The following RPGR variants were observed in gnomAD, a reference collection of about 807,000 sequenced individuals.
RPGR encodes X-linked retinitis pigmentosa GTPase regulator.
Under a neutral mutation model 56.3 loss-of-function variants are expected in RPGR, and 10 were observed. The observed-to-expected ratio is 0.18, with a 90% confidence interval of 0.11 to 0.30. RPGR has a LOEUF of 0.30. RPGR is among the 10% of genes least tolerant of loss of function. RPGR has a pLI of 1.00. For synonymous variants in RPGR, 197 were observed against 212.9 expected (o/e 0.93, Z 0.65); for missense variants, 538 against 590.9 (o/e 0.91, Z 0.93).
At chrX:38,279,017 T>C (rs2066983530) in intron 15 of RPGR, 3 of 249,980 alleles carry the variant, frequency 1.2e-5, no homozygotes, top group Non-Finnish European at 2.2e-5. Flanking sequence ...ATGAAGAACT[T>C]TTGGAACTAT....
rs1331967024 is a variant in RPGR at position 38,308,521 on chromosome X, C to T, written c.778+2094G>A. ...ATGAATGGTTAAAGACACTATTATA[C>T]AATCAACATTTGTATCTGTTAAAAT... is the stretch of plus-strand genomic sequence containing the variant. On this transcript the variant is annotated intron_variant, in intron 7 of 18. Transcript: ENST00000642395. Among the ~76,000 whole-genome samples, 4 of 111,005 alleles carry T rather than the reference C, an allele frequency of 3.6e-5. No homozygotes were observed. The East Asian group carries it at 8.4e-4, about 23-fold the overall frequency.
rs749728332 is a variant in RPGR at position 38,287,097 on chromosome X, T to C, written c.1902A>G (p.Ala634=). The C allele has an allele frequency of 8.3e-7, 1 of 1,211,237 alleles. No homozygotes were observed. The highest frequency in any genetic ancestry group is 1.1e-6 in the Non-Finnish European group (1 of 895,458). Residue 634 remains alanine (A), a synonymous_variant, in exon 15 of 19, where the codon GCA becomes GCG. Coordinates refer to ENST00000642395, the MANE Select transcript of RPGR (RefSeq NM_000328.3). ...ATTTTGCCTTGCCTTCACTCACCTC[T>C]GCTTTGTCTGTAAGGTCATCTGATA...
intron 11 of RPGR, among the ~76,000 whole-genome samples, chrX:38,291,870 G>A (rs1218209387): frequency 1.8e-5 from 2 of 112,132 alleles, no homozygotes; most frequent in African/African-American, 3.2e-5. Flanking sequence ...AGGTTGGTCC[G>A]TATGTGCACA....
chrX:38,320,418 A>C (rs2067915799), intron 4 of RPGR, among the ~76,000 whole-genome samples: 1 of 112,194 alleles, frequency 8.9e-6, no homozygotes, highest in East Asian at 2.8e-4. Context: ...TTTGCCAAAA[A>C]TCAAGTGGGC....
rs376866035 is a variant in RPGR at position 38,317,350 on chromosome X, G to T, written c.585C>A (p.Ile195=). 3 of 1,210,157 alleles carry T rather than the reference G, an allele frequency of 2.5e-6. No individual in the cohort carries two copies. In the African/African-American group the frequency reaches 5.2e-5, roughly 21 times the overall value. The change falls in exon 6 of 19, where the codon ATC becomes ATA. Residue 195 remains isoleucine, a synonymous_variant. Transcript: ENST00000642395. ...AAGCTGAATGGTAATATCCACAAGAGATCCAGGAGACAGGTTTCCCAATGG... is the reference window on the plus strand; with the variant it reads ...AAGCTGAATGGTAATATCCACAAGATATCCAGGAGACAGGTTTCCCAATGG...
In RPGR at chrX:38,273,468, A is replaced by T. The variant is rs915507390; in HGVS notation, c.2159T>A (p.Leu720His). The T allele has an allele frequency of 4.2e-6, 5 of 1,193,681 alleles. No homozygotes were observed. The highest frequency in any genetic ancestry group is 5.7e-6 in the Non-Finnish European group (5 of 882,322). ...TAATGAACTGCTATCTGCATCATCA[A>T]GCATGTATCCTACAATTGGATCATT... Residue 720 changes from leucine to histidine, a missense_variant, in exon 18 of 19, where the codon CTT becomes CAT. Leu to His is a moderately conservative substitution (Grantham distance 99). Transcript: ENST00000642395.
In RPGR at chrX:38,275,105, G is replaced by A. The variant is rs779998371; in HGVS notation, c.2133C>T (p.Tyr711=). ...TGCTCATACCTTTTGGGTTTTCATTGTACTCACAAATGGCCCGTTCCTCTA... is the reference window on the plus strand; with the variant it reads ...TGCTCATACCTTTTGGGTTTTCATTATACTCACAAATGGCCCGTTCCTCTA... The change falls in exon 17 of 19, where the codon TAC becomes TAT. Residue 711 remains tyrosine (Y), a synonymous_variant. Transcript: ENST00000642395. 1.2e-5 allele frequency: 14 copies of A among 1,207,562 alleles called. No homozygotes were observed. The Admixed American group carries it at 2.6e-4, about 23-fold the overall frequency.
At chrX:38,314,835 A>C (rs1273979942) in intron 6 of RPGR, among the ~76,000 whole-genome samples, 2 of 111,981 alleles carry the variant, frequency 1.8e-5, no homozygotes, top group East Asian at 5.5e-4. Flanking sequence ...TTAGGAAATA[A>C]ACTATTCTGT....
At chrX:38,292,509 C>A (rs765770104) in intron 11 of RPGR, among the ~76,000 whole-genome samples, 3 of 112,061 alleles carry the variant, frequency 2.7e-5, no homozygotes, top group Non-Finnish European at 5.6e-5. Flanking sequence ...AAATGACAGT[C>A]CACACTGATC....
chrX:38,278,950 G>C (rs2066982640), intron 15 of RPGR, among the ~76,000 whole-genome samples: 1 of 112,308 alleles, frequency 8.9e-6, no homozygotes, highest in South Asian at 3.7e-4. Context: ...TTAGAAATAA[G>C]TAAAACACTC....
intron 6 of RPGR, among the ~76,000 whole-genome samples, chrX:38,312,995 C>T (rs1049676961): frequency 2.7e-5 from 3 of 110,816 alleles, no homozygotes; most frequent in Non-Finnish European, 5.7e-5. Flanking sequence ...GGTTTACATT[C>T]CTTTAGGATC....
chrX:38,307,963 C>T (rs929059298), intron 7 of RPGR: 4 of 112,193 alleles, frequency 3.6e-5, no homozygotes, highest in African/African-American at 1.3e-4. Flanking sequence ...CAGAAGCTGA[C>T]AACCATCTAT....
At chrX:38,316,292 TA>T (rs1460526621) in intron 6 of RPGR, among the ~76,000 whole-genome samples, 2 of 99,932 alleles carry the variant, frequency 2.0e-5, no homozygotes, top group Admixed American at 2.1e-4. Context: ...TTTTTTTAAT[TA>T]AAAAAAGGCA....
intron 6 of RPGR, among the ~76,000 whole-genome samples, chrX:38,316,944 T>G (rs1321881489): frequency 8.9e-6 from 1 of 111,893 alleles, no homozygotes; most frequent in Non-Finnish European, 1.9e-5. Flanking sequence ...TTATTACTAG[T>G]GTAGATAGAT....
chrX:38,270,275 C>T (rs1033230309), intron 18 of RPGR, among the ~76,000 whole-genome samples: 11 of 109,448 alleles, frequency 1.0e-4, no homozygotes, highest in South Asian at 4.0e-4. Flanking sequence ...TGAAGAAGGA[C>T]GATGTACCTC....
intron 6 of RPGR, among the ~76,000 whole-genome samples, chrX:38,314,201 T>C (rs949464149): frequency 1.8e-5 from 2 of 111,940 alleles, no homozygotes; most frequent in African/African-American, 6.5e-5. Context: ...TAGCTATCAG[T>C]AGGACCTTCC....
At chrX:38,327,137 C>T (rs1472163381) in intron 1 of RPGR, among the ~76,000 whole-genome samples, 5 of 112,829 alleles carry the variant, frequency 4.4e-5, no homozygotes, top group Non-Finnish European at 1.9e-5. Context: ...AGACAGGCAC[C>T]CTCTTTCCCG....
At chrX:38,279,868 T>TA (rs2066999117) in intron 15 of RPGR, among the ~76,000 whole-genome samples, 1 of 111,611 alleles carries the variant, frequency 9.0e-6, no homozygotes, top group African/African-American at 3.3e-5. Context: ...AAACTTTGTA[T>TA]TTAAGTTATA....
At chrX:38,322,242 G>A (rs1240224080) in intron 3 of RPGR, among the ~76,000 whole-genome samples, 1 of 111,802 alleles carries the variant, frequency 8.9e-6, no homozygotes, top group Non-Finnish European at 1.9e-5. Context: ...TTTAGCTGAT[G>A]TTCACAGGTT....
Sources: gnomAD v4.1 joint callset for allele counts (sites outside exome capture counted in the v4.1 genomes callset) on GRCh38, gnomAD v4.1.1 for gene constraint, MANE v1.5 for transcripts, NCBI Gene and HGNC (gene_info 2026-07-23, HGNC 2026-07-21) for gene names.